The following EVL variants were observed in gnomAD, a reference collection of about 807,000 sequenced individuals.
EVL encodes the protein ena/VASP-like protein.
In EVL, 21 loss-of-function variants were observed where a neutral mutation model predicts 59.6. The observed-to-expected ratio is 0.35, with a 90% confidence interval of 0.25 to 0.51. The LOEUF is 0.51. EVL is among the 20% of genes least tolerant of loss of function. The probability of loss-of-function intolerance (pLI) is 0.97; values close to 1 mark genes in which losing one functional copy is unlikely to be tolerated. For missense variants in EVL, 462 were observed against 546.6 expected (o/e 0.85, Z 1.54); for synonymous variants, 198 against 203.5 (o/e 0.97, Z 0.23).
chr14:99,990,385 T>C, intron 1 of EVL, among the ~76,000 whole-genome samples: 1 of 152,250 alleles, frequency 6.6e-6, no homozygotes, highest in Non-Finnish European at 1.5e-5. Context: ...TAACCATTTT[T>C]AAGTGTACAG....
chr14:100,111,148 ATTT>A (rs35367426), intron 3 of EVL, among the ~76,000 whole-genome samples: 8,601 of 86,458 alleles, frequency 0.099, 281 homozygotes, highest in East Asian at 0.34. Context: ...TAGTGTCCTC[ATTT>A]TTTTTTTTTT....
intron 1 of EVL, among the ~76,000 whole-genome samples, chr14:100,027,681 C>CT (rs1389568376): frequency 6.6e-6 from 1 of 151,504 alleles, no homozygotes; most frequent in East Asian, 1.9e-4. Context: ...TGATTTGTAT[C>CT]TTTTTTTTGT....
Position 99,972,283 on chromosome 14 carries a change from G to C in EVL, c.5+226G>C, listed in dbSNP as rs998170175. Among the ~76,000 whole-genome samples, 1 of 152,126 alleles carries C rather than the reference G, an allele frequency of 6.6e-6. No homozygotes were observed. The highest frequency in any genetic ancestry group is 1.5e-5 in the Non-Finnish European group (1 of 68,006). On this transcript the variant is annotated intron_variant, in intron 1 of 13. Coordinates refer to the EVL transcript ENST00000402714. The surrounding 1 kb of genome is among the most constrained non-coding windows in gnomAD (Gnocchi z 4.4). ...AGCCGGGAGGGTCTGCAGGGCTTGTGGGGGGCAGTGTTCTGCAAGGGGCAG... is the reference window on the plus strand; with the variant it reads ...AGCCGGGAGGGTCTGCAGGGCTTGTCGGGGGCAGTGTTCTGCAAGGGGCAG...
At chr14:100,035,714 A>G (rs150196341) in intron 1 of EVL, among the ~76,000 whole-genome samples, 226 of 152,258 alleles carry the variant, frequency 1.5e-3, no homozygotes, top group African/African-American at 5.2e-3. Context: ...TTTTTAGCAC[A>G]CCTATTTGTC....
intron 3 of EVL, among the ~76,000 whole-genome samples, chr14:100,105,714 A>G (rs1048878420): frequency 6.6e-6 from 1 of 151,986 alleles, no homozygotes; most frequent in Non-Finnish European, 1.5e-5. Context: ...GTCTCGCAGC[A>G]TGAGAGTCCA....
intron 4 of EVL, among the ~76,000 whole-genome samples, chr14:100,125,048 AC>A (rs1887947711): frequency 9.8e-6 from 1 of 101,994 alleles, no homozygotes. Context: ...ATGTGGATAG[AC>A]ACACACACAC....
At chr14:100,063,933 A>G (rs1387518532), upstream of EVL, among the ~76,000 whole-genome samples, 1 of 152,222 alleles carries the variant, frequency 6.6e-6, no homozygotes, top group East Asian at 1.9e-4. Flanking sequence ...GTAGCAACAG[A>G]TATAGGAAAA....
At chr14:100,116,488 T>G (rs1441448525) in intron 3 of EVL, among the ~76,000 whole-genome samples, 1 of 152,172 alleles carries the variant, frequency 6.6e-6, no homozygotes, top group Non-Finnish European at 1.5e-5. Context: ...CCAGAGGAGC[T>G]GGGGGCTGGT....
chr14:100,030,344 C>T (rs148620269), intron 1 of EVL, among the ~76,000 whole-genome samples: 4 of 152,170 alleles, frequency 2.6e-5, no homozygotes, highest in South Asian at 2.1e-4. Flanking sequence ...TCAGGTGATC[C>T]GCCTGCCTCA....
intron 1 of EVL, among the ~76,000 whole-genome samples, chr14:99,981,978 G>A (rs1194015705): frequency 2.0e-5 from 3 of 152,182 alleles, no homozygotes; most frequent in African/African-American, 7.2e-5. Flanking sequence ...CAGTAAGAGT[G>A]GTGGTAACTC....
chr14:100,014,080 G>A (rs1216423684), intron 1 of EVL, among the ~76,000 whole-genome samples: 1 of 152,032 alleles, frequency 6.6e-6, no homozygotes, highest in South Asian at 2.1e-4. Context: ...CAATAAATTA[G>A]TGTTGACTGT....
At chr14:100,085,311 A>G (rs1163970973) in intron 2 of EVL, among the ~76,000 whole-genome samples, 1 of 152,210 alleles carries the variant, frequency 6.6e-6, no homozygotes, top group Non-Finnish European at 1.5e-5. Flanking sequence ...ACCTAGGCAA[A>G]TCAGATAAGA....
At chr14:100,104,673 C>A (rs1886445193) in intron 3 of EVL, among the ~76,000 whole-genome samples, 1 of 152,206 alleles carries the variant, frequency 6.6e-6, no homozygotes, top group African/African-American at 2.4e-5. Context: ...TAAAAATAGT[C>A]ATAACAGTTA....
At chr14:100,085,360 T>G (rs1451494528) in intron 2 of EVL, among the ~76,000 whole-genome samples, 1 of 152,150 alleles carries the variant, frequency 6.6e-6, no homozygotes, top group African/African-American at 2.4e-5. Context: ...TACATAAATA[T>G]GAGGGAACAA....
At chr14:100,119,660 T>C (rs1383336858) in intron 3 of EVL, among the ~76,000 whole-genome samples, 1 of 152,240 alleles carries the variant, frequency 6.6e-6, no homozygotes, top group Non-Finnish European at 1.5e-5. Context: ...CGAACAAATA[T>C]TTCCAGCACT....
rs146440664 is a variant in EVL at position 100,128,951 on chromosome 14, A to G, written c.717+203A>G. Among the ~76,000 whole-genome samples the G allele has an allele frequency of 1.7e-4, 26 of 152,346 alleles. No homozygotes were observed. The East Asian group carries it at 5.0e-3, about 29-fold the overall frequency. On this transcript the variant is annotated intron_variant, in intron 6 of 13. Transcript: ENST00000392920. ...ATTATGAAGTTAGCCTTTGAGCCTC[A>G]CGTTGACCTTCACACGTGGGGCAAG...
upstream of EVL, among the ~76,000 whole-genome samples, chr14:100,062,222 G>GTA (rs57785687): frequency 1.5e-3 from 218 of 149,556 alleles, 5 homozygotes; most frequent in East Asian, 0.014. Flanking sequence ...ATATATATAT[G>GTA]TATATATATA....
intron 1 of EVL, among the ~76,000 whole-genome samples, chr14:100,013,860 A>G (rs1291818299): frequency 6.6e-6 from 1 of 152,208 alleles, no homozygotes; most frequent in Non-Finnish European, 1.5e-5. Flanking sequence ...TGCAGACAGT[A>G]AAAAAGAATG....
At chr14:100,142,721 C>T (rs1466858364) in intron 13 of EVL, among the ~76,000 whole-genome samples, 1 of 151,744 alleles carries the variant, frequency 6.6e-6, no homozygotes, top group Non-Finnish European at 1.5e-5. Flanking sequence ...GTCCAGTTCC[C>T]CCAAAGGCCT....
Sources: gnomAD v4.1 joint callset for allele counts (sites outside exome capture counted in the v4.1 genomes callset) on GRCh38, gnomAD v4.1.1 for gene constraint, Gnocchi (gnomAD v3.1) non-coding constraint, MANE v1.5 for transcripts, NCBI Gene and HGNC (gene_info 2026-07-23, HGNC 2026-07-21) for gene names.